The following ASB1 variants were observed in gnomAD, a reference collection of about 807,000 sequenced individuals.
ASB1 encodes the protein ankyrin repeat and SOCS box protein 1.
In ASB1, 18 loss-of-function variants were observed where a neutral mutation model predicts 27.7. The ratio of observed to expected loss-of-function variants is 0.65; its 90% confidence interval spans 0.45 to 0.96. The LOEUF is 0.96. Among genes scored for constraint, ASB1 ranks in the 50% least tolerant of loss-of-function variants. The pLI is 0.00. For synonymous variants in ASB1, 189 were observed against 187.6 expected (o/e 1.01, Z -0.06); for missense variants, 397 against 451.7 (o/e 0.88, Z 1.10).
chr2:238,432,893 C>G (rs372624069), intron 1 of ASB1, among the ~76,000 whole-genome samples: 3 of 151,062 alleles, frequency 2.0e-5, no homozygotes, highest in Non-Finnish European at 4.4e-5. Flanking sequence ...ACTACAGGTG[C>G]GCGGCACCAC....
chr2:238,427,412 A>G (rs1701779532), intron 1 of ASB1: 2 of 323,256 alleles, frequency 6.2e-6, no homozygotes, highest in Admixed American at 5.0e-5. Flanking sequence ...CAGATTTGAT[A>G]TGACCCAACC....
chr2:238,444,403 C>G lies in ASB1; in HGVS notation c.556C>G (p.Arg186Gly), dbSNP rs1001325486. Residue 186 changes from arginine to glycine, a missense_variant, in exon 4 of 5, where the codon CGG becomes GGG. Coordinates refer to ENST00000264607, the MANE Select transcript of ASB1 (RefSeq NM_001040445.3). ...LTPDVQPRFS[R>G]RLTSLVVCPL... ...TCCTGATGTCCAGCCTCGATTCTCCCGGCGGCTCACCTCCTTGGTGGTCTG... is the reference window on the plus strand; with the variant it reads ...TCCTGATGTCCAGCCTCGATTCTCCGGGCGGCTCACCTCCTTGGTGGTCTG... 5 of 1,613,592 alleles carry G rather than the reference C, an allele frequency of 3.1e-6. No homozygotes were observed. The highest frequency in any genetic ancestry group is 4.2e-6 in the Non-Finnish European group (5 of 1,179,620).
At chr2:238,446,315 C>T in intron 4 of ASB1, 69 bp from the exon 5 acceptor site, 1 of 1,511,032 alleles carries the variant, frequency 6.6e-7, no homozygotes, top group Non-Finnish European at 8.9e-7. Flanking sequence ...GTCCCAGCTG[C>T]CTTTTCTCTC....
chr2:238,430,556 T>A (rs1042680554), intron 1 of ASB1, among the ~76,000 whole-genome samples: 1 of 152,258 alleles, frequency 6.6e-6, no homozygotes, highest in Non-Finnish European at 1.5e-5. Context: ...CCTTTTGATA[T>A]TTTGACCTCC....
chr2:238,444,975 C>T (rs1279616115), intron 4 of ASB1, among the ~76,000 whole-genome samples: 1 of 124,234 alleles, frequency 8.0e-6, no homozygotes, highest in Non-Finnish European at 1.7e-5. Flanking sequence ...TATGCTCGCG[C>T]TCTCTTTTTT....
At chr2:238,431,555 G>T (rs1459163788) in intron 1 of ASB1, among the ~76,000 whole-genome samples, 1 of 152,196 alleles carries the variant, frequency 6.6e-6, no homozygotes, top group Non-Finnish European at 1.5e-5. Context: ...TTGGCTGTTT[G>T]GCACAAGAGG....
intron 3 of ASB1, among the ~76,000 whole-genome samples, chr2:238,439,901 T>C (rs138585622): frequency 1.4e-3 from 219 of 152,378 alleles, no homozygotes; most frequent in African/African-American, 5.0e-3. Flanking sequence ...TACAACCATG[T>C]ATATGTCCTG....
At chr2:238,431,758 G>C (rs1383012750) in intron 1 of ASB1, among the ~76,000 whole-genome samples, 1 of 152,186 alleles carries the variant, frequency 6.6e-6, no homozygotes, top group Non-Finnish European at 1.5e-5. Flanking sequence ...GAGAGTGGGA[G>C]CAGCTGGTTG....
At chr2:238,438,407 A>G (rs1702014640) in intron 3 of ASB1, among the ~76,000 whole-genome samples, 1 of 151,868 alleles carries the variant, frequency 6.6e-6, no homozygotes, top group Non-Finnish European at 1.5e-5. Flanking sequence ...TCACCATGTT[A>G]GCCAGGATGG....
chr2:238,427,496 G>T, intron 1 of ASB1: 1 of 189,060 alleles, frequency 5.3e-6, no homozygotes, highest in Non-Finnish European at 1.1e-5. Flanking sequence ...GGTAGCCCTA[G>T]GGAGGGCAGG....
Position 238,449,601 on chromosome 2 carries a change from A to C in ASB1, c.*3090A>C, listed in dbSNP as rs1029803256. ...CGGGTGAGGGGTTTTAGATAAACCCATCAATATCACCCACATTCTGTGACT... is the reference window on the plus strand; with the variant it reads ...CGGGTGAGGGGTTTTAGATAAACCCCTCAATATCACCCACATTCTGTGACT... On this transcript the variant is annotated 3_prime_UTR_variant, in exon 5 of 5. Coordinates refer to ENST00000264607, the MANE Select transcript of ASB1 (RefSeq NM_001040445.3). The C allele has an allele frequency of 1.6e-4, 24 of 152,300 alleles. No individual in the cohort carries two copies. The highest frequency in any genetic ancestry group is 5.5e-4 in the African/African-American group (23 of 41,446). The allele number at this position is 152,300 out of a possible 1,614,324, so 9.4% of individuals were successfully genotyped here.
At chr2:238,438,042 G>GT (rs1289860200) in intron 3 of ASB1, among the ~76,000 whole-genome samples, 1 of 152,086 alleles carries the variant, frequency 6.6e-6, no homozygotes, top group Non-Finnish European at 1.5e-5. Flanking sequence ...CTTGGAGAAT[G>GT]TAAGCTATTA....
Position 238,452,001 on chromosome 2 carries a change from T to C in ASB1, c.*5490T>C, listed in dbSNP as rs1267574104. The C allele has an allele frequency of 6.6e-6, 1 of 152,216 alleles. No individual in the cohort carries two copies. The highest frequency in any genetic ancestry group is 2.4e-5 in the African/African-American group (1 of 41,466). The allele number at this position is 152,216 out of a possible 1,614,324, so 9.4% of individuals were successfully genotyped here. A position where few individuals can be genotyped will look rare whatever the true frequency, so the allele number is the denominator to read the frequency against. On this transcript the variant is annotated 3_prime_UTR_variant, in exon 5 of 5. Transcript: ENST00000264607. ...CTGACAGCCTGTTCTACGTAGTGGC[T>C]CGTGGTTTCCAGTTTGAAGAGAGTT...
chr2:238,435,943 C>T lies in ASB1; in HGVS notation c.424C>T (p.His142Tyr), dbSNP rs1474659750. ...TGGCGCGGACCCCAACGGAAGCCGGCACCATCGCAGCACCCCTGTCTACCA... is the reference window on the plus strand; with the variant it reads ...TGGCGCGGACCCCAACGGAAGCCGGTACCATCGCAGCACCCCTGTCTACCA... ...EAGADPNGSR[H>Y]HRSTPVYHAS... The change falls in exon 3 of 5, where the codon CAC becomes TAC. Residue 142 changes from histidine (H) to tyrosine (Y), a missense_variant. Physicochemically the swap from His to Tyr is moderately conservative, Grantham distance 83 (BLOSUM62 2). Coordinates refer to ENST00000264607, the MANE Select transcript of ASB1 (RefSeq NM_001040445.3). 1.2e-6 allele frequency: 2 copies of T among 1,614,162 alleles called. No homozygotes were observed. The highest frequency in any genetic ancestry group is 8.5e-7 in the Non-Finnish European group (1 of 1,180,032).
rs996464236 is a variant in ASB1 at position 238,427,198 on chromosome 2, T to C, written c.49+79T>C. 37 of 1,072,962 alleles carry C rather than the reference T, an allele frequency of 3.4e-5. No individual in the cohort carries two copies. The South Asian group carries it at 1.1e-3, about 32-fold the overall frequency. The allele number at this position is 1,072,962 out of a possible 1,614,324, so 66.5% of individuals were successfully genotyped here. A position where few individuals can be genotyped will look rare whatever the true frequency, so the allele number is the denominator to read the frequency against. On this transcript the variant is annotated intron_variant, in intron 1 of 4. Transcript: ENST00000264607. ...GGCTCCGGCGTCCCTGCCGAGGTCCTGCGTCCTCGTCCCGGGCTGGCCGGG... is the reference window on the plus strand; with the variant it reads ...GGCTCCGGCGTCCCTGCCGAGGTCCCGCGTCCTCGTCCCGGGCTGGCCGGG...
intron 2 of ASB1, among the ~76,000 whole-genome samples, chr2:238,434,056 C>T (rs374865331): frequency 3.3e-5 from 5 of 152,322 alleles, no homozygotes; most frequent in South Asian, 2.1e-4. Flanking sequence ...TAATTGCAGG[C>T]GCTTCTGTAC....
chr2:238,445,128 C>T (rs1466553837), intron 4 of ASB1, among the ~76,000 whole-genome samples: 3 of 151,852 alleles, frequency 2.0e-5, no homozygotes. Flanking sequence ...ACTGTAGGTG[C>T]ACACCATGCC....
intron 3 of ASB1, among the ~76,000 whole-genome samples, 189 bp from the exon 4 acceptor site, chr2:238,444,153 A>G (rs1042451685): frequency 1.3e-5 from 2 of 152,142 alleles, no homozygotes; most frequent in African/African-American, 2.4e-5. Flanking sequence ...GGGGATTCCA[A>G]GTTCTTTCCT....
chr2:238,450,794 C>A lies in ASB1; in HGVS notation c.*4283C>A, dbSNP rs1035955474. On this transcript the variant is annotated 3_prime_UTR_variant, in exon 5 of 5. Transcript: ENST00000264607. ...ACCTGGGCACTGGGAGCCTGTGGCCCCCCTGTATGTTGGTGATGACACTAG... is the reference window on the plus strand; with the variant it reads ...ACCTGGGCACTGGGAGCCTGTGGCCACCCTGTATGTTGGTGATGACACTAG... 2.0e-5 allele frequency: 3 copies of A among 152,254 alleles called. No homozygotes were observed. The highest frequency in any genetic ancestry group is 6.5e-5 in the Admixed American group (1 of 15,280). The allele number at this position is 152,254 out of a possible 1,614,324, so 9.4% of individuals were successfully genotyped here.
Sources: gnomAD v4.1 joint callset for allele counts (sites outside exome capture counted in the v4.1 genomes callset) on GRCh38, gnomAD v4.1.1 for gene constraint, MANE v1.5 for transcripts, NCBI Gene and HGNC (gene_info 2026-07-23, HGNC 2026-07-21) for gene names.